The following ARHGEF2 variants were observed in gnomAD, a reference collection of about 807,000 sequenced individuals.
ARHGEF2 encodes the protein Rho/Rac guanine nucleotide exchange factor 2, also known as rho guanine nucleotide exchange factor 2.
ARHGEF2 carries 22 observed loss-of-function variants against 121.0 expected under a neutral mutation model. The ratio of observed to expected loss-of-function variants is 0.18; its 90% CI spans 0.13 to 0.26. The LOEUF (loss-of-function observed/expected upper bound fraction) is 0.26, where lower values mean the gene tolerates loss of function less well. ARHGEF2 is among the 10% of genes least tolerant of loss of function. The pLI is 1.00. For synonymous variants in ARHGEF2, 487 were observed against 530.0 expected (o/e 0.92, Z 1.11); for missense variants, 907 against 1,336.0 (o/e 0.68, Z 5.01).
Position 155,949,913 on chromosome 1 carries a change from A to T in ARHGEF2, c.2887+386T>A, listed in dbSNP as rs969061189. The stretch of plus-strand genomic sequence containing the variant: ...ATGAAATAAATTAATTAAATAAAAT[A>T]AAAAAATAAATAAATGAATTTTTTT... On this transcript the variant is annotated intron_variant, in intron 21 of 21. Transcript: ENST00000361247. 2.0e-5 allele frequency among the ~76,000 whole-genome samples: 3 copies of T among 152,174 alleles called. No individual in the cohort carries two copies. The East Asian group carries it at 5.8e-4, about 29-fold the overall frequency.
chr1:155,954,185 C>G (rs1158078595), intron 14 of ARHGEF2, among the ~76,000 whole-genome samples: 1 of 151,190 alleles, frequency 6.6e-6, no homozygotes, highest in Non-Finnish European at 1.5e-5. Context: ...TTTTGTTGCC[C>G]AGACTGGTCT....
intron 13 of ARHGEF2, among the ~76,000 whole-genome samples, chr1:155,957,414 G>C (rs1380467123): frequency 1.3e-5 from 2 of 152,236 alleles, no homozygotes; most frequent in African/African-American, 4.8e-5. Context: ...TGTGAATGCA[G>C]CTGAAATTGT....
chr1:155,952,875 C>A, intron 14 of ARHGEF2, 47 bp from the exon 15 acceptor site: 1 of 1,593,770 alleles, frequency 6.3e-7, no homozygotes, highest in Non-Finnish European at 8.6e-7. Context: ...TAGGGGTATG[C>A]AAGAGCGCCA....
chr1:155,960,480 A>AG (rs1272217179), intron 11 of ARHGEF2, among the ~76,000 whole-genome samples: 76 of 116,400 alleles, frequency 6.5e-4, no homozygotes, highest in Admixed American at 2.8e-3. Flanking sequence ...AAAAAAAAAA[A>AG]AAAGAGAGAG....
At position 155,964,190 on chromosome 1, in the gene ARHGEF2, A is replaced by G. The variant is rs1427337093; in HGVS notation, c.724+798T>C. ...AAAATATATATATATATATATATAT[A>G]TATATATACATATATATATATATAT... is the stretch of plus-strand genomic sequence containing the variant. On this transcript the variant is annotated intron_variant, in intron 7 of 21. Transcript: ENST00000361247. 7.9e-5 allele frequency among the ~76,000 whole-genome samples: 9 copies of G among 114,104 alleles called. No individual in the cohort carries two copies. In the South Asian group the frequency reaches 8.6e-4, roughly 11 times the overall value. The allele number at this position is 114,104 out of a possible 152,430, so 74.9% of individuals were successfully genotyped here.
chr1:155,978,857 C>T, upstream of ARHGEF2: 4 of 988,192 alleles, frequency 4.0e-6, no homozygotes, highest in Non-Finnish European at 4.8e-6. This position sits in a 1 kb window ranked among gnomAD's most constrained non-coding sequence, Gnocchi z 4.1. Context: ...CCCCTCTGCC[C>T]TCCCCTTCTT....
intron 1 of ARHGEF2, among the ~76,000 whole-genome samples, chr1:155,971,578 T>G (rs867309206): frequency 3.0e-5 from 1 of 33,226 alleles, no homozygotes; most frequent in Admixed American, 4.3e-4. Flanking sequence ...AGACTATGTC[T>G]CAAAAAAAAA....
chr1:155,978,354 T>A lies in ARHGEF2; in HGVS notation c.63+11A>T. On this transcript the variant is annotated intron_variant, in intron 1 of 21. Coordinates refer to ENST00000361247, the MANE Select transcript of ARHGEF2 (RefSeq NM_001162383.2). The surrounding 1 kb of genome is among the most constrained non-coding windows in gnomAD (Gnocchi z 4.1). ...GGACCGCGGCGAAAGGAGAGGGGTTTCCGAGCCCACCTTGCTCGCCAGCTC... is the reference window on the plus strand; with the variant it reads ...GGACCGCGGCGAAAGGAGAGGGGTTACCGAGCCCACCTTGCTCGCCAGCTC... The A allele has an allele frequency of 6.6e-7, 1 of 1,508,168 alleles. No individual in the cohort carries two copies. Among genetic ancestry groups the A allele is most frequent in the Non-Finnish European group, 9.0e-7 (1 of 1,117,194 alleles). 93.4% of individuals were successfully genotyped at this position (1,508,168 alleles called of 1,614,324 possible).
chr1:155,954,160 G>C (rs890974001), intron 14 of ARHGEF2, among the ~76,000 whole-genome samples: 4 of 150,896 alleles, frequency 2.7e-5, no homozygotes, highest in African/African-American at 9.7e-5. Flanking sequence ...TAGAGACAGG[G>C]TCTTGCTATG....
upstream of ARHGEF2, chr1:155,979,405 T>A: frequency 1.2e-6 from 1 of 867,672 alleles, no homozygotes; most frequent in Non-Finnish European, 1.4e-6. Context: ...CAGGGTAAGG[T>A]GGGGCATTCA....
In ARHGEF2 at chr1:155,969,184, G is replaced by A; in HGVS notation, c.180C>T (p.Ile60=). Residue 60 remains isoleucine (I), a synonymous_variant, in exon 2 of 22, where the codon ATC becomes ATT. Transcript: ENST00000361247. ...MTMCYACNKS[I]TAKEALICPT... ...GGCAGATGAGGGCTTCCTTGGCTGT[G>A]ATGCTCTTGTTACAGGCATAGCACA... 1 of 1,614,238 alleles carries A rather than the reference G, an allele frequency of 6.2e-7. No homozygotes were observed. Among genetic ancestry groups the A allele is most frequent in the Non-Finnish European group, 8.5e-7 (1 of 1,180,034 alleles).
At chr1:155,964,180 A>ATCTATATG (rs1349746641) in intron 7 of ARHGEF2, among the ~76,000 whole-genome samples, 1 of 101,578 alleles carries the variant, frequency 9.8e-6, no homozygotes, top group Non-Finnish European at 1.8e-5. Flanking sequence ...ATATATATAT[A>ATCTATATG]TATATATATA....
intron 13 of ARHGEF2, among the ~76,000 whole-genome samples, chr1:155,956,611 C>T (rs970544590): frequency 6.7e-6 from 1 of 149,646 alleles, no homozygotes; most frequent in Non-Finnish European, 1.5e-5. Flanking sequence ...AATCTGAGAT[C>T]AGGAGTTCGA....
chr1:155,958,288 G>C (rs761142069), intron 12 of ARHGEF2, 32 bp downstream of exon 12: 14 of 1,583,076 alleles, frequency 8.8e-6, no homozygotes, highest in Non-Finnish European at 1.1e-5. Flanking sequence ...ACACTTGTCT[G>C]TGCTGAGAAA....
At position 155,950,170 on chromosome 1, in the gene ARHGEF2, A is replaced by G. The variant is rs1174938138; in HGVS notation, c.2887+129T>C. ...CACCACCCATTCATCATCAGACAAA[A>G]CAGGAAGTCCCTCCCTAGAGTTACT... On this transcript the variant is annotated intron_variant, in intron 21 of 21. Transcript: ENST00000361247. This position sits in a 1 kb window ranked among gnomAD's most constrained non-coding sequence, Gnocchi z 5.2. 8.6e-7 allele frequency: 1 copy of G among 1,161,898 alleles called. No individual in the cohort carries two copies. The highest frequency in any genetic ancestry group is 1.2e-6 in the Non-Finnish European group (1 of 824,020). 72.0% of individuals were successfully genotyped at this position (1,161,898 alleles called of 1,614,324 possible).
rs533748068 is a variant in ARHGEF2, at chr1:155,950,962, C to A, written c.2570G>T (p.Arg857Leu). 1 of 1,606,824 alleles carries A rather than the reference C, an allele frequency of 6.2e-7. No homozygotes were observed. The highest frequency in any genetic ancestry group is 1.3e-5 in the African/African-American group (1 of 74,938). ...ALLEREAEEA[R>L]RQLAALGQTE... The stretch of plus-strand genomic sequence containing the variant: ...CTGGCCCAGGGCGGCCAGCTGCCTT[C>A]GAGCCTCTTCGGCCTCACGCTCCAG... The change falls in exon 20 of 22, where the codon CGA becomes CTA. Residue 857 changes from arginine (R) to leucine (L), a missense_variant. Physicochemically the swap from Arg to Leu is moderately radical, Grantham distance 102. Transcript: ENST00000361247. This position sits in a 1 kb window ranked among gnomAD's most constrained non-coding sequence, Gnocchi z 5.2.
Position 155,978,373 on chromosome 1 carries a change from C to G in ARHGEF2, c.55G>C (p.Ala19Pro), listed in dbSNP as rs1260128281. Reference protein sequence around the residue: ...RARIDRSRELASKTREKEKMK... With the variant: ...RARIDRSRELPSKTREKEKMK... ...GGGGTTTCCGAGCCCACCTTGCTCG[C>G]CAGCTCTCTGCTCCGGTCGATCCGC... The change falls in exon 1 of 22, where the codon GCG (alanine) becomes CCG (proline). Residue 19 changes from alanine (A) to proline (P), a missense_variant. Physicochemically the swap from Ala to Pro is conservative, Grantham distance 27. Around this residue, in one of 2 missense-constraint regions of ARHGEF2, gnomAD observed 475 missense variants for 776.5 expected, o/e 0.61. Transcript: ENST00000361247. This position sits in a 1 kb window ranked among gnomAD's most constrained non-coding sequence, Gnocchi z 4.1. 2.0e-6 allele frequency: 3 copies of G among 1,516,724 alleles called. No homozygotes were observed. Among genetic ancestry groups the G allele is most frequent in the Non-Finnish European group, 2.7e-6 (3 of 1,122,720 alleles). 94.0% of individuals were successfully genotyped at this position (1,516,724 alleles called of 1,614,324 possible).
chr1:155,957,896 G>C lies in ARHGEF2; in HGVS notation c.1546-14C>G, dbSNP rs1677033013. On this transcript the variant is annotated splice_polypyrimidine_tract_variant and intron_variant, in intron 12 of 21. Coordinates refer to ENST00000361247, the MANE Select transcript of ARHGEF2 (RefSeq NM_001162383.2). ...TGAAGGCTTGTCCTGCCAGTCAGGG[G>C]AAAGGAAGGATTAAGCCTGGGAATC... 1 of 1,611,650 alleles carries C rather than the reference G, an allele frequency of 6.2e-7. No individual in the cohort carries two copies. The highest frequency in any genetic ancestry group is 1.1e-5 in the South Asian group (1 of 90,712).
Position 155,951,788 on chromosome 1 carries a change from G to T in ARHGEF2, c.2173-12C>A, listed in dbSNP as rs1316829117. On this transcript the variant is annotated splice_polypyrimidine_tract_variant and intron_variant, in intron 17 of 21. Coordinates refer to ENST00000361247, the MANE Select transcript of ARHGEF2 (RefSeq NM_001162383.2). The surrounding 1 kb of genome is among the most constrained non-coding windows in gnomAD (Gnocchi z 5.1). ...TTTCCATTTCGATCCTGCAGAAATGGGCAAGAATGGGGAGTCAGCAGGCAC... is the reference window on the plus strand; with the variant it reads ...TTTCCATTTCGATCCTGCAGAAATGTGCAAGAATGGGGAGTCAGCAGGCAC... 1 of 1,613,774 alleles carries T rather than the reference G, an allele frequency of 6.2e-7. No homozygotes were observed. The highest frequency in any genetic ancestry group is 2.2e-5 in the East Asian group (1 of 44,876).
Sources: gnomAD v4.1 joint callset for allele counts (sites outside exome capture counted in the v4.1 genomes callset) on GRCh38, gnomAD v4.1.1 for gene constraint, gnomAD v4.1.1 regional missense constraint, Gnocchi (gnomAD v3.1) non-coding constraint, MANE v1.5 for transcripts, NCBI Gene and HGNC (gene_info 2026-07-23, HGNC 2026-07-21) for gene names.